KIF6: variants seen among roughly 807,000 people sequenced by gnomAD.
KIF6 encodes kinesin family member 6.
Under a neutral mutation model 112.7 loss-of-function variants are expected in KIF6, and 106 were observed. The ratio of observed to expected loss-of-function variants is 0.94; its 90% CI spans 0.80 to 1.11. The LOEUF is 1.11. KIF6 is among the 50% of genes least tolerant of loss of function. The probability of loss-of-function intolerance (pLI) is 0.00; values close to 1 mark genes in which losing one functional copy is unlikely to be tolerated. For synonymous variants in KIF6, 339 were observed against 339.9 expected (o/e 1.00, Z 0.03); for missense variants, 929 against 964.0 (o/e 0.96, Z 0.48).
intron 19 of KIF6, among the ~76,000 whole-genome samples, chr6:39,349,929 G>C (rs1309561839): frequency 6.6e-6 from 1 of 152,198 alleles, no homozygotes; most frequent in Non-Finnish European, 1.5e-5. Flanking sequence ...ACAGGTGTGA[G>C]CCATCATCCC....
intron 7 of KIF6, among the ~76,000 whole-genome samples, chr6:39,587,903 G>A (rs2150666420): frequency 6.6e-6 from 1 of 152,290 alleles, no homozygotes; most frequent in East Asian, 1.9e-4. Context: ...CTCTTGCCAA[G>A]GTCATCAGCA....
At chr6:39,577,940 A>T in intron 10 of KIF6, 116 bp downstream of exon 10, 1 of 647,196 alleles carries the variant, frequency 1.5e-6, no homozygotes, top group South Asian at 2.3e-5. Flanking sequence ...ATGCAATTTC[A>T]GACTGTCCCA....
intron 10 of KIF6, among the ~76,000 whole-genome samples, chr6:39,553,292 T>C (rs929378594): frequency 9.9e-5 from 15 of 152,220 alleles, no homozygotes; most frequent in African/African-American, 2.7e-4. Flanking sequence ...GAAATTCCTA[T>C]AGAGTTTTCC....
chr6:39,542,152 T>C (rs1778822113), intron 12 of KIF6, among the ~76,000 whole-genome samples: 2 of 152,202 alleles, frequency 1.3e-5, no homozygotes, highest in South Asian at 2.1e-4. Flanking sequence ...CTTCATATCA[T>C]GGGAAGCCCC....
intron 12 of KIF6, among the ~76,000 whole-genome samples, chr6:39,542,555 TG>T (rs1561792947): frequency 6.6e-6 from 1 of 152,246 alleles, no homozygotes; most frequent in Non-Finnish European, 1.5e-5. Flanking sequence ...CTTAGCCTTC[TG>T]GGTTCTACAA....
rs751061171 is a variant in KIF6, at chr6:39,725,352, C to T, written c.-42G>A. The T allele has an allele frequency of 6.4e-7, 1 of 1,564,032 alleles. No homozygotes were observed. Among genetic ancestry groups the T allele is most frequent in the Non-Finnish European group, 8.7e-7 (1 of 1,145,800 alleles). On this transcript the variant is annotated 5_prime_UTR_variant, in exon 1 of 23. Coordinates refer to ENST00000287152, the MANE Select transcript of KIF6 (RefSeq NM_145027.6). ...CAATGACCCTTGACCTCTCTCAGGC[C>T]CGGGCTGCCAAAACTAACTCCCACC...
At chr6:39,573,704 C>T (rs534675469) in intron 10 of KIF6, among the ~76,000 whole-genome samples, 5 of 152,268 alleles carry the variant, frequency 3.3e-5, no homozygotes, top group South Asian at 2.1e-4. Context: ...TTTAGTAGCA[C>T]GTGAACTAGT....
intron 13 of KIF6, among the ~76,000 whole-genome samples, chr6:39,461,641 ATAAC>A (rs1369696354): frequency 1.3e-5 from 2 of 152,196 alleles, no homozygotes; most frequent in Non-Finnish European, 2.9e-5. Context: ...TTTATGCTAA[ATAAC>A]TATACTCATT....
chr6:39,481,135 C>CT (rs1251458965), intron 13 of KIF6, among the ~76,000 whole-genome samples: 7 of 151,926 alleles, frequency 4.6e-5, no homozygotes, highest in Non-Finnish European at 4.4e-5. Flanking sequence ...AGCATGCTAT[C>CT]TTTTTTTAAA....
chr6:39,626,603 T>C (rs1784107890), intron 5 of KIF6, among the ~76,000 whole-genome samples: 1 of 152,176 alleles, frequency 6.6e-6, no homozygotes, highest in African/African-American at 2.4e-5. Flanking sequence ...AGATAATGTA[T>C]GCACAGTCCT....
intron 3 of KIF6, among the ~76,000 whole-genome samples, chr6:39,654,794 C>T (rs566803948): frequency 2.8e-4 from 43 of 152,266 alleles, no homozygotes; most frequent in Admixed American, 8.5e-4. Context: ...CGTATTCCTG[C>T]GCAATTTGTT....
At chr6:39,621,630 A>G (rs1209776077) in intron 5 of KIF6, among the ~76,000 whole-genome samples, 1 of 152,204 alleles carries the variant, frequency 6.6e-6, no homozygotes, top group Non-Finnish European at 1.5e-5. Flanking sequence ...AATACATTGG[A>G]TGAATGAACA....
chr6:39,505,413 G>C (rs980683355), intron 13 of KIF6, among the ~76,000 whole-genome samples: 2 of 152,142 alleles, frequency 1.3e-5, no homozygotes, highest in African/African-American at 4.8e-5. Flanking sequence ...AGAAAACCTA[G>C]GCAATACCAT....
intron 3 of KIF6, among the ~76,000 whole-genome samples, chr6:39,679,310 T>TATC (rs1279502915): frequency 1.3e-5 from 2 of 152,208 alleles, no homozygotes; most frequent in African/African-American, 4.8e-5. Flanking sequence ...GCTTACATCA[T>TATC]ATCATTTTTA....
chr6:39,557,878 T>C (rs888176850), intron 10 of KIF6, among the ~76,000 whole-genome samples: 1 of 151,298 alleles, frequency 6.6e-6, no homozygotes, highest in African/African-American at 2.4e-5. Context: ...ATTAAAAATT[T>C]TGAAGGATTA....
chr6:39,688,974 C>A (rs1788025465), intron 3 of KIF6, among the ~76,000 whole-genome samples: 1 of 152,056 alleles, frequency 6.6e-6, no homozygotes, highest in Non-Finnish European at 1.5e-5. Flanking sequence ...TGTGCCACCA[C>A]ATCTGGATAA....
chr6:39,359,354 T>C (rs956026224), intron 18 of KIF6, among the ~76,000 whole-genome samples: 1 of 152,184 alleles, frequency 6.6e-6, no homozygotes, highest in Non-Finnish European at 1.5e-5. Context: ...ACAGAAAACT[T>C]CTAAGAATTT....
chr6:39,416,195 G>A (rs1769907065), intron 15 of KIF6, among the ~76,000 whole-genome samples: 1 of 152,242 alleles, frequency 6.6e-6, no homozygotes, highest in African/African-American at 2.4e-5. Context: ...GTCCTTTGTT[G>A]CCAAAGACAA....
chr6:39,722,297 T>C (rs553154320), intron 1 of KIF6, among the ~76,000 whole-genome samples: 1 of 152,178 alleles, frequency 6.6e-6, no homozygotes, highest in Non-Finnish European at 1.5e-5. Context: ...TTAATGACCC[T>C]CCACTACTCT....
Sources: allele counts gnomAD v4.1 joint callset (sites outside exome capture counted in the v4.1 genomes callset), GRCh38; gene constraint gnomAD v4.1.1; transcripts MANE v1.5; gene names NCBI Gene and HGNC (gene_info 2026-07-23, HGNC 2026-07-21).